Variants in SGCE observed in about 807,000 individuals in gnomAD.
The protein encoded by SGCE is sarcoglycan epsilon.
SGCE carries 26 observed loss-of-function variants against 57.8 expected under a neutral mutation model. That is an observed-to-expected ratio of 0.45 (90% confidence interval 0.33 to 0.62). The LOEUF (loss-of-function observed/expected upper bound fraction) is 0.62, where lower values mean the gene tolerates loss of function less well. Among genes scored for constraint, SGCE ranks in the 20% least tolerant of loss-of-function variants. The pLI is 0.02. For missense variants in SGCE, 468 were observed against 548.6 expected (o/e 0.85, Z 1.47); for synonymous variants, 183 against 189.5 (o/e 0.97, Z 0.28).
At position 94,599,701 on chromosome 7, in the gene SGCE, G is replaced by A. The variant is rs983156830; in HGVS notation, c.1060C>T (p.Pro354Ser). 65 of 1,609,384 alleles carry A rather than the reference G, an allele frequency of 4.0e-5. No homozygotes were observed. The highest frequency in any genetic ancestry group is 1.0e-4 in the Admixed American group (6 of 59,974). Reference protein sequence around the residue: ...EGVEKRNMQTPDIQLVHHSAI... With the variant: ...EGVEKRNMQTSDIQLVHHSAI... ...AACAGGAAAGAAGACACTTACTCTG[G>A]TGTTTGCATGTTTCTCTTTTCCCTA... Residue 354 changes from proline (P) to serine (S), a missense_variant, in exon 8 of 11, where the codon CCA becomes TCA. Physicochemically the swap from Pro to Ser is moderately conservative, Grantham distance 74. Transcript: ENST00000648936.
rs1276555339 is a variant in SGCE at position 94,650,441 on chromosome 7, G to T, written c.109+5549C>A. On this transcript the variant is annotated intron_variant, in intron 1 of 10. Transcript: ENST00000648936. ...CAAATTAAGCAAGTTAAGACACTTT[G>T]CAGGGGGAAAAGGAATCTTTCATCT... Among the ~76,000 whole-genome samples the T allele has an allele frequency of 2.1e-5, 3 of 146,314 alleles. No homozygotes were observed. In the East Asian group the frequency reaches 5.8e-4, roughly 28 times the overall value.
At position 94,618,969 on chromosome 7, in the gene SGCE, A is replaced by G; in HGVS notation, c.464-13T>C. ...GGCAACGGGAAGTCTAATTTTGGTG[A>G]AAAAGGGCATGCATATCTTTAATGA... On this transcript the variant is annotated splice_polypyrimidine_tract_variant and intron_variant, in intron 4 of 10. Coordinates refer to ENST00000648936, the MANE Select transcript of SGCE (RefSeq NM_003919.3). 7 of 1,569,182 alleles carry G rather than the reference A, an allele frequency of 4.5e-6. No homozygotes were observed. The highest frequency in any genetic ancestry group is 1.1e-5 in the South Asian group (1 of 90,172).
chr7:94,644,466 C>T (rs1196552551), intron 1 of SGCE: 1 of 328,278 alleles, frequency 3.0e-6, no homozygotes, highest in East Asian at 9.6e-5. Context: ...AATTGAAGAG[C>T]TGTGAATAGT....
chr7:94,635,217 T>C (rs560214557), intron 1 of SGCE, among the ~76,000 whole-genome samples: 13 of 152,334 alleles, frequency 8.5e-5, no homozygotes, highest in Admixed American at 4.6e-4. Flanking sequence ...TATTTAAATA[T>C]GATAGTATAT....
At chr7:94,591,358 G>A (rs1797648700) in intron 9 of SGCE, among the ~76,000 whole-genome samples, 1 of 152,024 alleles carries the variant, frequency 6.6e-6, no homozygotes, top group South Asian at 2.1e-4. Flanking sequence ...CACTCAAAAC[G>A]AACACAGTGC....
rs187825913 is a variant in SGCE, at chr7:94,650,704, A to G, written c.109+5286T>C. 1.2e-3 allele frequency among the ~76,000 whole-genome samples: 185 copies of G among 152,364 alleles called. 3 individuals carry two copies. The highest frequency in any genetic ancestry group is 4.2e-3 in the Admixed American group (65 of 15,306). On this transcript the variant is annotated intron_variant, in intron 1 of 10. Coordinates refer to ENST00000648936, the MANE Select transcript of SGCE (RefSeq NM_003919.3). ...TGCAAGAAAGGTGAATATTTCTGAT[A>G]TTTAAAGAACAGAATAAATAAAGTT...
intron 1 of SGCE, among the ~76,000 whole-genome samples, chr7:94,632,331 T>G (rs1282947091): frequency 6.6e-6 from 1 of 152,094 alleles, no homozygotes; most frequent in Admixed American, 6.6e-5. Flanking sequence ...AGAACTTGCA[T>G]AGAACATCTC....
At chr7:94,603,943 T>C (rs1023893388) in intron 5 of SGCE, among the ~76,000 whole-genome samples, 9 of 152,146 alleles carry the variant, frequency 5.9e-5, no homozygotes, top group African/African-American at 1.9e-4. Flanking sequence ...TAGACATTAC[T>C]ATTTTACCTA....
chr7:94,655,853 G>T lies in SGCE; in HGVS notation c.109+137C>A, dbSNP rs1182197029. Reference sequence around the variant, plus strand: ...ATGGGGTACAGGGTGTACTGAAGGAGGGGTACGGTGGGGTCCGGGACAGAA... The same window carrying T: ...ATGGGGTACAGGGTGTACTGAAGGATGGGTACGGTGGGGTCCGGGACAGAA... On this transcript the variant is annotated intron_variant, in intron 1 of 10. Transcript: ENST00000648936. 1.5e-5 allele frequency: 10 copies of T among 663,728 alleles called. No individual in the cohort carries two copies. In the African/African-American group the frequency reaches 1.8e-4, roughly 12 times the overall value. The allele number at this position is 663,728 out of a possible 1,614,324, so 41.1% of individuals were successfully genotyped here. A position where few individuals can be genotyped will look rare whatever the true frequency, so the allele number is the denominator to read the frequency against.
chr7:94,643,307 C>T (rs1405024565), intron 1 of SGCE, among the ~76,000 whole-genome samples: 1 of 152,156 alleles, frequency 6.6e-6, no homozygotes, highest in Admixed American at 6.5e-5. Flanking sequence ...TGCATCATTG[C>T]TCATACTTTC....
chr7:94,643,657 A>G (rs895376458), intron 1 of SGCE, among the ~76,000 whole-genome samples: 3 of 152,174 alleles, frequency 2.0e-5, no homozygotes, highest in African/African-American at 7.2e-5. Context: ...ATATTGAGGG[A>G]GAAACTTTAA....
intron 5 of SGCE, chr7:94,617,690 G>T (rs1192356076): frequency 6.6e-6 from 1 of 152,190 alleles, no homozygotes; most frequent in Non-Finnish European, 1.5e-5. Flanking sequence ...ATGTATGCTT[G>T]ACTGATTTCA....
intron 3 of SGCE, 39 bp downstream of exon 3, chr7:94,628,163 C>CACACACAT (rs1562863596): frequency 3.5e-6 from 5 of 1,438,214 alleles, no homozygotes; most frequent in Non-Finnish European, 2.9e-6. Flanking sequence ...CACACACACA[C>CACACACAT]ATATATGTAT....
At position 94,600,594 on chromosome 7, in the gene SGCE, G is replaced by A. The variant is rs567770367; in HGVS notation, c.1037+52C>T. The A allele has an allele frequency of 2.2e-6, 3 of 1,341,180 alleles. No individual in the cohort carries two copies. In the South Asian group the frequency reaches 3.6e-5, roughly 16 times the overall value. 83.1% of individuals were successfully genotyped at this position (1,341,180 alleles called of 1,614,324 possible). The stretch of plus-strand genomic sequence containing the variant: ...CTTTGCTTTTAATGGAATCTTCTAT[G>A]TTGTTATCTTAGCAGGATCTCTAAT... On this transcript the variant is annotated intron_variant, in intron 7 of 10. Coordinates refer to ENST00000648936, the MANE Select transcript of SGCE (RefSeq NM_003919.3).
chr7:94,646,285 G>A (rs1237136528), intron 1 of SGCE, among the ~76,000 whole-genome samples: 1 of 152,206 alleles, frequency 6.6e-6, no homozygotes, highest in Non-Finnish European at 1.5e-5. Context: ...AGACTCAACT[G>A]CATTAAACAC....
chr7:94,603,398 A>G lies in SGCE; in HGVS notation c.717T>C (p.Val239=). 6.2e-7 allele frequency: 1 copy of G among 1,613,234 alleles called. No homozygotes were observed. The highest frequency in any genetic ancestry group is 1.1e-5 in the South Asian group (1 of 91,064). The change falls in exon 6 of 11, where the codon GTT becomes GTC. Residue 239 remains valine, a synonymous_variant. Transcript: ENST00000648936. ...ATCTCAATTGATTCTGTGGATTTTCAACTTCTCGTAAACAAGAAGAAAACG... is the reference window on the plus strand; with the variant it reads ...ATCTCAATTGATTCTGTGGATTTTCGACTTCTCGTAAACAAGAAGAAAACG... ...DVPFSSCLRE[V]ENPQNQLRCS...
intron 10 of SGCE, chr7:94,587,804 G>A (rs1476324338): frequency 1.6e-5 from 24 of 1,546,492 alleles, no homozygotes; most frequent in South Asian, 3.7e-5. Flanking sequence ...GTTGTCAAAC[G>A]AAAATCTCCT....
intron 1 of SGCE, among the ~76,000 whole-genome samples, chr7:94,649,566 T>G (rs551863690): frequency 2.0e-5 from 3 of 152,212 alleles, no homozygotes; most frequent in Non-Finnish European, 4.4e-5. Context: ...CTTGGAAATA[T>G]GAACTCAGCC....
intron 9 of SGCE, 63 bp from the exon 10 acceptor site, chr7:94,588,795 A>G (rs1344185575): frequency 1.2e-6 from 2 of 1,605,194 alleles, no homozygotes; most frequent in African/African-American, 2.7e-5. Context: ...CAGAGAGCAG[A>G]CATACTAGAA....
Sources: gnomAD v4.1 joint callset for allele counts (sites outside exome capture counted in the v4.1 genomes callset) on GRCh38, gnomAD v4.1.1 for gene constraint, MANE v1.5 for transcripts, NCBI Gene and HGNC (gene_info 2026-07-23, HGNC 2026-07-21) for gene names.